The following GAPVD1 variants were observed in gnomAD, a reference collection of about 807,000 sequenced individuals.
GAPVD1 encodes GTPase-activating protein and VPS9 domain-containing protein 1.
Under a neutral mutation model 155.5 loss-of-function variants are expected in GAPVD1, and 35 were observed. The observed-to-expected ratio is 0.23, with a 90% CI of 0.17 to 0.30. The LOEUF (loss-of-function observed/expected upper bound fraction) is 0.30, where lower values mean the gene tolerates loss of function less well. GAPVD1 is among the 10% of genes least tolerant of loss of function. The pLI, the probability that GAPVD1 is intolerant of heterozygous loss-of-function variation, is 1.00. For missense variants in GAPVD1, 1,429 were observed against 1,775.7 expected, an observed-to-expected ratio of 0.80 and a Z score of 3.51; for synonymous variants, 636 against 619.7, an observed-to-expected ratio of 1.03 and a Z score of -0.39.
chr9:125,311,241 G>A (rs959687515), intron 8 of GAPVD1, among the ~76,000 whole-genome samples: 2 of 152,246 alleles, frequency 1.3e-5, no homozygotes, highest in Admixed American at 6.5e-5. Flanking sequence ...AAAGCAGAAA[G>A]GACCTCTTCT....
intron 13 of GAPVD1, among the ~76,000 whole-genome samples, chr9:125,330,680 T>G (rs968791822): frequency 6.6e-6 from 1 of 152,218 alleles, no homozygotes; most frequent in African/African-American, 2.4e-5. Context: ...AAAATTAGTT[T>G]AGGGCATTTT....
chr9:125,350,917 G>GC (rs752600074), intron 23 of GAPVD1, 45 bp downstream of exon 23: 18 of 1,442,812 alleles, frequency 1.2e-5, no homozygotes, highest in Non-Finnish European at 1.4e-5. Context: ...GTTGTTAGCT[G>GC]CAAGTGTTTT....
intron 2 of GAPVD1, among the ~76,000 whole-genome samples, chr9:125,269,623 C>A (rs1176477523): frequency 6.7e-6 from 1 of 150,146 alleles, no homozygotes; most frequent in African/African-American, 2.5e-5. Flanking sequence ...CAAGGTTTCA[C>A]CATGTTGGCT....
At chr9:125,325,255 C>T (rs958675676) in intron 11 of GAPVD1, among the ~76,000 whole-genome samples, 5 of 149,486 alleles carry the variant, frequency 3.3e-5, no homozygotes, top group African/African-American at 1.2e-4. Context: ...GGTGCGGTGG[C>T]TCATACCTGT....
rs535034047 is a variant in GAPVD1, at chr9:125,355,094, AT to A, written c.3757+261del. Among the ~76,000 whole-genome samples, 67 of 152,106 alleles carry A rather than the reference AT, an allele frequency of 4.4e-4. No homozygotes were observed. The East Asian group carries it at 9.9e-3, about 22-fold the overall frequency. ...TTTTTGGATCTATACAAATTTTCTCATTTTTTTTAAAAAGCCAAACATATTT... is the reference window on the plus strand; with the variant it reads ...TTTTTGGATCTATACAAATTTTCTCATTTTTTTAAAAAGCCAAACATATTT... On this transcript the variant is annotated intron_variant, in intron 24 of 27. Transcript: ENST00000297933.
rs1046434694 is a variant in GAPVD1, at chr9:125,362,930, C to T, written c.*184C>T. The T allele has an allele frequency of 5.0e-6, 2 of 403,164 alleles. No individual in the cohort carries two copies. The highest frequency in any genetic ancestry group is 2.1e-5 in the African/African-American group (1 of 48,296). The allele number at this position is 403,164 out of a possible 1,614,324, so 25.0% of individuals were successfully genotyped here. On this transcript the variant is annotated 3_prime_UTR_variant, in exon 28 of 28. Transcript: ENST00000297933. ...ACAAGCAGGTTCTCTCGTCTTTGGG[C>T]TCTTTCCTTTCTGAGTTGCATATTC... is the stretch of plus-strand genomic sequence containing the variant.
chr9:125,279,810 G>C (rs1290309910), intron 2 of GAPVD1, among the ~76,000 whole-genome samples: 1 of 150,378 alleles, frequency 6.6e-6, no homozygotes, highest in Non-Finnish European at 1.5e-5. Flanking sequence ...GTTCAGGCTG[G>C]AGTACAATGG....
chr9:125,344,701 G>A (rs1357974201), intron 19 of GAPVD1, among the ~76,000 whole-genome samples: 1 of 151,580 alleles, frequency 6.6e-6, no homozygotes, highest in East Asian at 1.9e-4. Context: ...AGCTCTTTTT[G>A]GGAGGCCAAA....
intron 3 of GAPVD1, among the ~76,000 whole-genome samples, chr9:125,298,481 AT>A (rs34644117): frequency 0.036 from 3,184 of 89,070 alleles, 34 homozygotes; most frequent in African/African-American, 0.11. Flanking sequence ...ATGTAACCTA[AT>A]TTTTTTTTTT....
intron 21 of GAPVD1, among the ~76,000 whole-genome samples, 159 bp from the exon 22 acceptor site, chr9:125,350,132 TAGAA>T (rs1318130451): frequency 1.3e-5 from 2 of 152,240 alleles, no homozygotes; most frequent in Admixed American, 1.3e-4. Flanking sequence ...CTTGGGTAAT[TAGAA>T]AGCCTGTTCT....
intron 18 of GAPVD1, chr9:125,341,530 G>A (rs1023496548): frequency 3.1e-5 from 9 of 289,194 alleles, no homozygotes; most frequent in Admixed American, 4.7e-5. Flanking sequence ...TACCATTGAA[G>A]TTAAACATAT....
chr9:125,337,251 A>G lies in GAPVD1; in HGVS notation c.2537A>G (p.His846Arg). The G allele has an allele frequency of 6.2e-7, 1 of 1,614,114 alleles. No individual in the cohort carries two copies. Among genetic ancestry groups the G allele is most frequent in the Non-Finnish European group, 8.5e-7 (1 of 1,179,996 alleles). The stretch of plus-strand genomic sequence containing the variant: ...TCTGCTGTGGTAAGGCCAAAGGTTC[A>G]CTATGCTAGGCCATCGCATCCACCA... Reference protein sequence around the residue: ...GASAVVRPKVHYARPSHPPPD... With the variant: ...GASAVVRPKVRYARPSHPPPD... The change falls in exon 17 of 28, where the codon CAC (histidine) becomes CGC (arginine). Residue 846 changes from histidine (H) to arginine (R), a missense_variant. His to Arg is a conservative substitution (Grantham distance 29). This residue lies in a region of GAPVD1 where 699 missense variants were observed against 826.0 expected (regional missense o/e 0.85). Transcript: ENST00000297933.
At chr9:125,330,006 G>A in intron 12 of GAPVD1, 72 bp from the exon 13 acceptor site, 1 of 1,283,832 alleles carries the variant, frequency 7.8e-7, no homozygotes, top group Non-Finnish European at 1.1e-6. Flanking sequence ...GCTAGTGTTT[G>A]GCTTTTCTCC....
intron 15 of GAPVD1, among the ~76,000 whole-genome samples, chr9:125,335,756 A>T (rs1290618163): frequency 6.6e-6 from 1 of 152,220 alleles, no homozygotes; most frequent in Admixed American, 6.5e-5. Context: ...GGGTATATTT[A>T]AATGAATTAA....
chr9:125,359,273 A>G, intron 25 of GAPVD1, 147 bp from the exon 26 acceptor site: 2 of 641,888 alleles, frequency 3.1e-6, no homozygotes, highest in South Asian at 1.8e-5. Context: ...CTTATCTAAG[A>G]GGCTCAACTC....
chr9:125,305,952 C>G (rs752005991), intron 6 of GAPVD1, among the ~76,000 whole-genome samples: 1 of 152,034 alleles, frequency 6.6e-6, no homozygotes. Context: ...CATGCCTGGT[C>G]GATAATTGTT....
At chr9:125,361,084 G>A (rs920640270) in intron 27 of GAPVD1, among the ~76,000 whole-genome samples, 6 of 152,140 alleles carry the variant, frequency 3.9e-5, no homozygotes, top group Admixed American at 3.3e-4. Flanking sequence ...AGCTGGTCTC[G>A]TGGTCTCCAG....
At chr9:125,332,698 ATTGCTG>A in intron 15 of GAPVD1, 69 bp downstream of exon 15, 3 of 1,308,226 alleles carry the variant, frequency 2.3e-6, no homozygotes, top group Non-Finnish European at 3.3e-6. Flanking sequence ...ACTGTGACAC[ATTGCTG>A]GTGACAGCAT....
intron 23 of GAPVD1, 101 bp from the exon 24 acceptor site, chr9:125,354,553 T>C: frequency 2.8e-6 from 2 of 715,194 alleles, no homozygotes; most frequent in Admixed American, 2.3e-5. Flanking sequence ...GTAAAACCAG[T>C]CTGTGCAGTA....
Sources: allele counts gnomAD v4.1 joint callset (sites outside exome capture counted in the v4.1 genomes callset), GRCh38; gene constraint gnomAD v4.1.1; regional missense constraint gnomAD v4.1.1; transcripts MANE v1.5; gene names NCBI Gene and HGNC (gene_info 2026-07-23, HGNC 2026-07-21).